CCDC3: variants seen among roughly 807,000 people sequenced by gnomAD.
CCDC3 encodes coiled-coil domain containing 3.
A neutral mutation model predicts 21.4 loss-of-function variants in CCDC3; 24 were observed. The ratio of observed to expected loss-of-function variants is 1.12; its 90% CI spans 0.81 to 1.58. The LOEUF (loss-of-function observed/expected upper bound fraction) is 1.58, where lower values mean the gene tolerates loss of function less well. Among genes scored for constraint, CCDC3 ranks in the 40% most tolerant of loss-of-function variants. The pLI is 0.00. For synonymous variants in CCDC3, 186 were observed against 166.0 expected, an observed-to-expected ratio of 1.12 and a Z score of -0.93; for missense variants, 425 against 360.9, an observed-to-expected ratio of 1.18 and a Z score of -1.44.
At chr10:13,056,843 G>T (rs914965033) in intron 4 of CCDC3, among the ~76,000 whole-genome samples, 1 of 152,196 alleles carries the variant, frequency 6.6e-6, no homozygotes, top group African/African-American at 2.4e-5. Context: ...AAATTGTGAG[G>T]AGGAAGGGAG....
At chr10:13,036,380 A>G (rs550553456) in intron 5 of CCDC3, among the ~76,000 whole-genome samples, 1 of 152,190 alleles carries the variant, frequency 6.6e-6, no homozygotes, top group African/African-American at 2.4e-5. Flanking sequence ...AACTTTGCAA[A>G]TAGAAAACTC....
chr10:13,025,146 G>T (rs571862877), intron 5 of CCDC3, among the ~76,000 whole-genome samples: 37 of 152,258 alleles, frequency 2.4e-4, no homozygotes, highest in Non-Finnish European at 5.1e-4. Context: ...ACTTGGAGTT[G>T]GACTGTCTAA....
chr10:12,952,399 A>C (rs1835020626), intron 2 of CCDC3, among the ~76,000 whole-genome samples: 1 of 152,230 alleles, frequency 6.6e-6, no homozygotes, highest in African/African-American at 2.4e-5. Flanking sequence ...CCAACAAAGA[A>C]ATCATGTTTC....
chr10:13,074,286 T>A (rs989097120), intron 3 of CCDC3, among the ~76,000 whole-genome samples: 31 of 146,756 alleles, frequency 2.1e-4, no homozygotes, highest in Non-Finnish European at 3.7e-4. Flanking sequence ...GCCTCCCGAG[T>A]AGCTGGGATT....
intron 2 of CCDC3, among the ~76,000 whole-genome samples, chr10:12,976,721 T>G (rs1348587925): frequency 6.6e-6 from 1 of 152,270 alleles, no homozygotes. Flanking sequence ...AATAAATCAG[T>G]GAAGCACAGG....
chr10:12,927,595 CTTTCT>C (rs922734493), intron 2 of CCDC3, among the ~76,000 whole-genome samples: 4 of 151,944 alleles, frequency 2.6e-5, no homozygotes, highest in African/African-American at 7.2e-5. Context: ...AAAAAAAAAC[CTTTCT>C]TTTGACTAAA....
intron 4 of CCDC3, among the ~76,000 whole-genome samples, chr10:13,050,299 G>T (rs1376597475): frequency 6.6e-6 from 1 of 152,126 alleles, no homozygotes; most frequent in East Asian, 1.9e-4. Flanking sequence ...TTGGTAATTG[G>T]TGAATCTGTC....
At chr10:12,912,433 C>G (rs35742223) in intron 2 of CCDC3, among the ~76,000 whole-genome samples, 18,017 of 152,172 alleles carry the variant, frequency 0.12, 1,628 homozygotes, top group African/African-American at 0.25. Flanking sequence ...TTCTAGAGGT[C>G]TATTTAGGTC....
intron 2 of CCDC3, among the ~76,000 whole-genome samples, chr10:12,983,697 T>G (rs566718580): frequency 1.4e-5 from 2 of 148,058 alleles, no homozygotes; most frequent in African/African-American, 2.5e-5. Context: ...GCAAAAGATA[T>G]GAACATTTTA....
chr10:12,997,063 T>C (rs183788428), intron 2 of CCDC3, among the ~76,000 whole-genome samples: 43 of 152,040 alleles, frequency 2.8e-4, no homozygotes, highest in Non-Finnish European at 4.4e-4. Context: ...ACGTACCCCC[T>C]GAACCTAAAA....
At chr10:12,977,803 C>T (rs543257458) in intron 2 of CCDC3, among the ~76,000 whole-genome samples, 1 of 152,204 alleles carries the variant, frequency 6.6e-6, no homozygotes, top group South Asian at 2.1e-4. Flanking sequence ...AAAAGAATTG[C>T]ATTTAAAAGG....
intron 5 of CCDC3, among the ~76,000 whole-genome samples, chr10:13,028,350 C>A (rs568200739): frequency 5.3e-5 from 8 of 152,266 alleles, no homozygotes; most frequent in African/African-American, 9.6e-5. Flanking sequence ...CCCCCAGCCA[C>A]GTGGGAACTG....
chr10:12,969,151 A>C (rs1234621041), intron 2 of CCDC3, among the ~76,000 whole-genome samples: 1 of 152,162 alleles, frequency 6.6e-6, no homozygotes, highest in African/African-American at 2.4e-5. Flanking sequence ...AAAGGACCCA[A>C]ATAGACATTT....
chr10:12,921,954 G>A (rs1834458268), intron 2 of CCDC3, among the ~76,000 whole-genome samples: 1 of 152,130 alleles, frequency 6.6e-6, no homozygotes, highest in South Asian at 2.1e-4. Flanking sequence ...GGCTGGTCTT[G>A]AACTCCTGTT....
intron 4 of CCDC3, among the ~76,000 whole-genome samples, chr10:13,061,396 T>C (rs1836756060): frequency 6.6e-6 from 1 of 152,202 alleles, no homozygotes; most frequent in East Asian, 1.9e-4. Context: ...CGCAGCCTCA[T>C]CTCAAAGGTG....
At chr10:13,041,259 T>A (rs1269053315) in intron 5 of CCDC3, among the ~76,000 whole-genome samples, 1 of 152,202 alleles carries the variant, frequency 6.6e-6, no homozygotes, top group Non-Finnish European at 1.5e-5. Flanking sequence ...TAAAAGCCTT[T>A]GTCTTCAATT....
intron 5 of CCDC3, among the ~76,000 whole-genome samples, chr10:13,040,774 C>T (rs1370489122): frequency 6.6e-6 from 1 of 151,322 alleles, no homozygotes; most frequent in Non-Finnish European, 1.5e-5. Context: ...AGATAAATTC[C>T]AGGTTACTAA....
At chr10:12,900,522 C>CCCAAAAAAA (rs1834075974) in intron 2 of CCDC3, among the ~76,000 whole-genome samples, 1 of 75,870 alleles carries the variant, frequency 1.3e-5, no homozygotes, top group Non-Finnish European at 2.3e-5. Context: ...ACTAAAAATA[C>CCCAAAAAAA]AAAAAAAAAA....
At chr10:13,093,666 G>C (rs920850863) in intron 3 of CCDC3, among the ~76,000 whole-genome samples, 1 of 152,142 alleles carries the variant, frequency 6.6e-6, no homozygotes, top group South Asian at 2.1e-4. Context: ...AGGCCTAGGG[G>C]TGAGTTCTCA....
Sources: gnomAD v4.1 joint callset for allele counts (sites outside exome capture counted in the v4.1 genomes callset) on GRCh38, gnomAD v4.1.1 for gene constraint, MANE v1.5 for transcripts, NCBI Gene and HGNC (gene_info 2026-07-23, HGNC 2026-07-21) for gene names.